Variants in AP1S3 observed in about 807,000 individuals in gnomAD.
AP1S3 encodes adaptor related protein complex 1 subunit sigma 3.
In AP1S3, 10 loss-of-function variants were observed where a neutral mutation model predicts 20.9. The observed-to-expected ratio is 0.48, with a 90% CI of 0.29 to 0.81. AP1S3 has a LOEUF of 0.81. Among genes scored for constraint, AP1S3 ranks in the 30% least tolerant of loss-of-function variants. The pLI, the probability that AP1S3 is intolerant of heterozygous loss-of-function variation, is 0.08. For synonymous variants in AP1S3, 41 were observed against 61.5 expected, an observed-to-expected ratio of 0.67 and a Z score of 1.56; for missense variants, 154 against 183.8, an observed-to-expected ratio of 0.84 and a Z score of 0.94.
intron 4 of AP1S3, among the ~76,000 whole-genome samples, chr2:223,764,405 C>T (rs1690430157): frequency 6.6e-6 from 1 of 152,012 alleles, no homozygotes; most frequent in Non-Finnish European, 1.5e-5. Context: ...GGGTGAAGTG[C>T]TCTTTCTCAC....
chr2:223,786,210 C>T (rs1330405510), intron 1 of AP1S3, among the ~76,000 whole-genome samples: 5 of 152,120 alleles, frequency 3.3e-5, no homozygotes, highest in African/African-American at 4.8e-5. Flanking sequence ...ATATGCATAG[C>T]GAAAACAATC....
chr2:223,831,863 T>C (rs929047212), intron 1 of AP1S3, among the ~76,000 whole-genome samples: 1 of 151,994 alleles, frequency 6.6e-6, no homozygotes, highest in African/African-American at 2.4e-5. Context: ...GATCACGAGG[T>C]CAGGAGATCA....
chr2:223,836,886 C>T (rs964102679), intron 1 of AP1S3, among the ~76,000 whole-genome samples: 1 of 152,212 alleles, frequency 6.6e-6, no homozygotes, highest in Non-Finnish European at 1.5e-5. Context: ...CAAACAAGGC[C>T]TTCTCCCCTC....
Position 223,757,488 on chromosome 2 carries a change from A to G in AP1S3, c.*1227T>C. ...TTTTTAGTAGAGATGGGGTTTCATC[A>G]TATTGGCCAGGCTGCTCTCGAACTC... On this transcript the variant is annotated 3_prime_UTR_variant, in exon 5 of 5. Transcript: ENST00000396654. The G allele has an allele frequency of 3.5e-6, 2 of 573,092 alleles. No homozygotes were observed. Among genetic ancestry groups the G allele is most frequent in the Non-Finnish European group, 4.4e-6 (2 of 454,184 alleles). The allele number at this position is 573,092 out of a possible 1,614,324, so 35.5% of individuals were successfully genotyped here. A position where few individuals can be genotyped will look rare whatever the true frequency, so the allele number is the denominator to read the frequency against.
intron 1 of AP1S3, among the ~76,000 whole-genome samples, chr2:223,791,264 C>A (rs940800734): frequency 6.6e-5 from 10 of 152,162 alleles, no homozygotes; most frequent in African/African-American, 1.2e-4. Context: ...CCTCGATGAA[C>A]ATCGATGCAA....
chr2:223,764,432 T>A (rs1690430854), intron 4 of AP1S3, among the ~76,000 whole-genome samples: 1 of 151,930 alleles, frequency 6.6e-6, no homozygotes, highest in South Asian at 2.1e-4. Context: ...CTGGGAGGAA[T>A]GGAGGGGCTG....
intron 1 of AP1S3, among the ~76,000 whole-genome samples, chr2:223,800,481 G>C (rs577944646): frequency 6.6e-6 from 1 of 151,974 alleles, no homozygotes; most frequent in Non-Finnish European, 1.5e-5. Flanking sequence ...AATGAGCTAT[G>C]ATCAGGCCAC....
intron 1 of AP1S3, among the ~76,000 whole-genome samples, chr2:223,785,526 A>G (rs1215168751): frequency 1.3e-5 from 2 of 152,210 alleles, no homozygotes; most frequent in Admixed American, 6.5e-5. Flanking sequence ...TCCAAAATTC[A>G]TATGTATGAT....
At chr2:223,787,392 T>C (rs941339468) in intron 1 of AP1S3, among the ~76,000 whole-genome samples, 1 of 152,218 alleles carries the variant, frequency 6.6e-6, no homozygotes, top group African/African-American at 2.4e-5. Flanking sequence ...GTCTCAACCC[T>C]TCAGAGTGTG....
chr2:223,786,931 A>G (rs1190910026), intron 1 of AP1S3, among the ~76,000 whole-genome samples: 1 of 151,962 alleles, frequency 6.6e-6, no homozygotes, highest in East Asian at 1.9e-4. Flanking sequence ...AAGAAGTGAT[A>G]TGGTTTGGAT....
chr2:223,821,728 T>A (rs1691991480), intron 1 of AP1S3, among the ~76,000 whole-genome samples: 1 of 152,184 alleles, frequency 6.6e-6, no homozygotes, highest in African/African-American at 2.4e-5. Flanking sequence ...CACACCTGGA[T>A]GAGCCTGGCT....
chr2:223,833,709 C>T (rs1166765813), intron 1 of AP1S3, among the ~76,000 whole-genome samples: 3 of 152,112 alleles, frequency 2.0e-5, no homozygotes, highest in Non-Finnish European at 2.9e-5. Flanking sequence ...TGGGCACTAG[C>T]GAGGGCCGCC....
At chr2:223,771,229 C>T (rs913384639) in intron 3 of AP1S3, among the ~76,000 whole-genome samples, 5 of 151,676 alleles carry the variant, frequency 3.3e-5, no homozygotes, top group Non-Finnish European at 7.4e-5. Flanking sequence ...CCCAGCTACT[C>T]GGGAGGCTGA....
chr2:223,832,109 T>C (rs1692277552), intron 1 of AP1S3, among the ~76,000 whole-genome samples: 1 of 147,554 alleles, frequency 6.8e-6, no homozygotes, highest in Non-Finnish European at 1.5e-5. Context: ...GGACTTATTC[T>C]GGGGATTATT....
At chr2:223,812,921 G>A (rs6730212) in intron 1 of AP1S3, among the ~76,000 whole-genome samples, 50,258 of 151,474 alleles carry the variant, frequency 0.33, 8,699 homozygotes, top group Middle Eastern at 0.43. Context: ...CATTTTGTGT[G>A]GGGTTTTTTG....
chr2:223,763,794 G>C (rs1037774631), intron 4 of AP1S3, among the ~76,000 whole-genome samples: 1 of 152,174 alleles, frequency 6.6e-6, no homozygotes, highest in African/African-American at 2.4e-5. Context: ...CTGGGCAGGA[G>C]CAAGTAATCA....
chr2:223,808,967 C>T (rs1198209252), intron 1 of AP1S3, among the ~76,000 whole-genome samples: 1 of 152,094 alleles, frequency 6.6e-6, no homozygotes, highest in African/African-American at 2.4e-5. Flanking sequence ...GCCACTACAG[C>T]CTGGATGACA....
At chr2:223,812,218 TTTTTTG>T (rs1194067697) in intron 1 of AP1S3, among the ~76,000 whole-genome samples, 3 of 152,186 alleles carry the variant, frequency 2.0e-5, no homozygotes, top group African/African-American at 7.2e-5. Context: ...TGTTTGTTTG[TTTTTTG>T]TTTTTGTTTT....
chr2:223,777,931 G>T, intron 1 of AP1S3, 62 bp from the exon 2 acceptor site: 1 of 1,428,204 alleles, frequency 7.0e-7, no homozygotes, highest in Non-Finnish European at 9.5e-7. Flanking sequence ...GTTCTGCAAA[G>T]ACACTGAAAT....
Sources: gnomAD v4.1 joint callset for allele counts (sites outside exome capture counted in the v4.1 genomes callset) on GRCh38, gnomAD v4.1.1 for gene constraint, MANE v1.5 for transcripts, NCBI Gene and HGNC (gene_info 2026-07-23, HGNC 2026-07-21) for gene names.